Variants in GREB1L observed in about 807,000 individuals in gnomAD.
GREB1L encodes GREB1-like protein.
A neutral mutation model predicts 200.8 loss-of-function variants in GREB1L; 17 were observed. The ratio of observed to expected loss-of-function variants is 0.08; its 90% confidence interval spans 0.06 to 0.13. GREB1L has a LOEUF of 0.13. GREB1L is among the 10% of genes least tolerant of loss of function. The pLI is 1.00. For synonymous variants in GREB1L, 789 were observed against 893.0 expected (o/e 0.88, Z 2.08); for missense variants, 1,657 against 2,367.7 (o/e 0.70, Z 6.23).
intron 2 of GREB1L, among the ~76,000 whole-genome samples, chr18:21,382,638 C>T (rs552102070): frequency 6.6e-6 from 1 of 151,964 alleles, no homozygotes; most frequent in South Asian, 2.1e-4. Context: ...ACTACAGGCA[C>T]ATGCCACCAT....
Position 21,321,687 on chromosome 18 carries a change from CA to C in GREB1L, c.-119-44332del, listed in dbSNP as rs1027060925. Reference sequence around the variant, plus strand: ...TGGGCGACACAGTGAGACTATGTCTCAAAAAAAACAAAAACAAAAAAAATGC... The same window carrying C: ...TGGGCGACACAGTGAGACTATGTCTCAAAAAAACAAAAACAAAAAAAATGC... On this transcript the variant is annotated intron_variant, in intron 1 of 32. Transcript: ENST00000424526. 2.0e-5 allele frequency among the ~76,000 whole-genome samples: 3 copies of C among 150,850 alleles called. No individual in the cohort carries two copies. The East Asian group carries it at 5.8e-4, about 29-fold the overall frequency.
At chr18:21,325,785 G>A (rs1265813839) in intron 1 of GREB1L, among the ~76,000 whole-genome samples, 3 of 129,734 alleles carry the variant, frequency 2.3e-5, no homozygotes, top group Admixed American at 9.1e-5. Flanking sequence ...CTGCCCTCCA[G>A]CCTGGGTGAC....
At chr18:21,319,808 C>A (rs1426347305) in intron 1 of GREB1L, among the ~76,000 whole-genome samples, 5 of 152,128 alleles carry the variant, frequency 3.3e-5, no homozygotes, top group Admixed American at 2.0e-4. Flanking sequence ...CCCTTAGAGG[C>A]AAAACCAATA....
At chr18:21,429,153 TCCCTCCCTC>T (rs2032918457) in intron 7 of GREB1L, among the ~76,000 whole-genome samples, 2 of 69,824 alleles carry the variant, frequency 2.9e-5, no homozygotes, top group African/African-American at 1.4e-4. Flanking sequence ...CTTCCTCCCT[TCCCTCCCTC>T]CCTTCCCCTC....
intron 2 of GREB1L, among the ~76,000 whole-genome samples, chr18:21,376,741 C>T (rs1567961198): frequency 7.0e-6 from 1 of 142,182 alleles, no homozygotes; most frequent in Non-Finnish European, 1.5e-5. Context: ...GGAGGCGTAG[C>T]TTGCAGTGAG....
intron 1 of GREB1L, among the ~76,000 whole-genome samples, chr18:21,303,658 C>T (rs1430715201): frequency 1.3e-5 from 2 of 152,100 alleles, no homozygotes; most frequent in Admixed American, 6.5e-5. Context: ...CACTTCCGGC[C>T]CTATTGTCCT....
chr18:21,422,144 C>G (rs2032205753), intron 7 of GREB1L, among the ~76,000 whole-genome samples: 1 of 152,102 alleles, frequency 6.6e-6, no homozygotes, highest in Non-Finnish European at 1.5e-5. Context: ...GAGAATGAGG[C>G]CTTGGTGAGA....
At chr18:21,270,757 G>C (rs1398380256) in intron 1 of GREB1L, among the ~76,000 whole-genome samples, 1 of 152,192 alleles carries the variant, frequency 6.6e-6, no homozygotes, top group African/African-American at 2.4e-5. Flanking sequence ...CGCATAGTCA[G>C]CAAGGACTTT....
At chr18:21,315,075 G>C (rs890195437) in intron 1 of GREB1L, among the ~76,000 whole-genome samples, 3 of 152,046 alleles carry the variant, frequency 2.0e-5, no homozygotes, top group African/African-American at 7.2e-5. Context: ...ATTAGTTTAA[G>C]GTATTTATTT....
intron 1 of GREB1L, among the ~76,000 whole-genome samples, chr18:21,280,031 A>G (rs2038241898): frequency 1.3e-5 from 2 of 152,232 alleles, no homozygotes; most frequent in Non-Finnish European, 1.5e-5. Flanking sequence ...ATGAATATTT[A>G]CACATTATTA....
intron 15 of GREB1L, among the ~76,000 whole-genome samples, chr18:21,459,321 T>C (rs1252534032): frequency 6.7e-6 from 1 of 148,736 alleles, no homozygotes; most frequent in Non-Finnish European, 1.5e-5. Flanking sequence ...GTTTCACTCT[T>C]GTTGCCCGGG....
chr18:21,499,504 C>T (rs746335745), intron 21 of GREB1L, among the ~76,000 whole-genome samples: 212 of 152,324 alleles, frequency 1.4e-3, no homozygotes, highest in Middle Eastern at 6.8e-3. Context: ...AGAAGAAGCA[C>T]CCCATCTCCT....
At chr18:21,476,728 C>T (rs2035716095) in intron 16 of GREB1L, among the ~76,000 whole-genome samples, 1 of 148,056 alleles carries the variant, frequency 6.8e-6, no homozygotes, top group Non-Finnish European at 1.5e-5. Context: ...ACCGCCACAC[C>T]CAGCTAATTT....
chr18:21,261,327 C>T (rs530988515), intron 1 of GREB1L, among the ~76,000 whole-genome samples: 38 of 151,920 alleles, frequency 2.5e-4, no homozygotes, highest in Non-Finnish European at 4.3e-4. Flanking sequence ...TTCTGCTTAC[C>T]GCTATTCTCT....
At chr18:21,521,277 G>A (rs973544153) in intron 32 of GREB1L, among the ~76,000 whole-genome samples, 2 of 151,330 alleles carry the variant, frequency 1.3e-5, no homozygotes, top group South Asian at 2.1e-4. Flanking sequence ...AGGCTGAGGC[G>A]GGAGAATCGC....
intron 7 of GREB1L, among the ~76,000 whole-genome samples, chr18:21,436,669 G>GGTGTGTGTGTGTGT (rs71178172): frequency 1.7e-3 from 227 of 132,530 alleles, no homozygotes; most frequent in African/African-American, 3.8e-3. Context: ...AAAGTTCAGT[G>GGTGTGTGTGTGTGT]GTGTGTGTGT....
intron 7 of GREB1L, among the ~76,000 whole-genome samples, chr18:21,428,809 C>T (rs1211221108): frequency 2.0e-5 from 3 of 150,064 alleles, no homozygotes; most frequent in East Asian, 2.0e-4. Context: ...CCTCCACTTC[C>T]GAGGTTCCAG....
rs2037915410 is a variant in GREB1L, at chr18:21,263,161, G to A, written c.-120+20768G>A. Among the ~76,000 whole-genome samples, 3 of 152,196 alleles carry A rather than the reference G, an allele frequency of 2.0e-5. No homozygotes were observed. In the South Asian group the frequency reaches 6.2e-4, roughly 32 times the overall value. On this transcript the variant is annotated intron_variant, in intron 1 of 32. Transcript: ENST00000424526. ...GTGGCCATCTGGCCCAGATTTGGCT[G>A]ATTTCCTGTGCACTGCCCTTTGTTT...
intron 1 of GREB1L, among the ~76,000 whole-genome samples, chr18:21,340,339 G>A (rs2039249973): frequency 6.6e-6 from 1 of 151,838 alleles, no homozygotes; most frequent in African/African-American, 2.4e-5. Flanking sequence ...GGAATGGCGT[G>A]AACCCTGGAG....
Sources: gnomAD v4.1 joint callset for allele counts (sites outside exome capture counted in the v4.1 genomes callset) on GRCh38, gnomAD v4.1.1 for gene constraint, MANE v1.5 for transcripts, NCBI Gene and HGNC (gene_info 2026-07-23, HGNC 2026-07-21) for gene names.